The following ZFPM2 variants were observed in gnomAD, a reference collection of about 807,000 sequenced individuals.
ZFPM2 encodes the protein zinc finger protein, FOG family member 2, also known as zinc finger protein ZFPM2.
In ZFPM2, 20 loss-of-function variants were observed where a neutral mutation model predicts 98.6. That is an observed-to-expected ratio of 0.20 (90% CI 0.14 to 0.29). ZFPM2 has a LOEUF of 0.29. Ranked by LOEUF, ZFPM2 falls within the 10% of genes least tolerant of loss-of-function variation. ZFPM2 has a pLI of 1.00. For synonymous variants in ZFPM2, 518 were observed against 502.7 expected (o/e 1.03, Z -0.41); for missense variants, 1,310 against 1,388.6 (o/e 0.94, Z 0.90).
intron 3 of ZFPM2, among the ~76,000 whole-genome samples, chr8:105,536,409 C>T (rs189054070): frequency 1.8e-3 from 279 of 151,456 alleles, no homozygotes; most frequent in African/African-American, 6.0e-3. Context: ...CCTCTTGTCC[C>T]CTTTCTATTT....
At chr8:105,595,844 C>A (rs1815957739) in intron 4 of ZFPM2, among the ~76,000 whole-genome samples, 1 of 151,838 alleles carries the variant, frequency 6.6e-6, no homozygotes, top group Non-Finnish European at 1.5e-5. Flanking sequence ...CTTCTTAGAG[C>A]TTTTTAATCT....
chr8:105,470,837 A>G (rs1812889322), intron 3 of ZFPM2, among the ~76,000 whole-genome samples: 2 of 152,044 alleles, frequency 1.3e-5, no homozygotes. Flanking sequence ...TTAGTTATTT[A>G]TGTTCCCTAT....
chr8:105,346,316 G>A (rs1313634632), intron 1 of ZFPM2, among the ~76,000 whole-genome samples: 5 of 151,630 alleles, frequency 3.3e-5, no homozygotes, highest in South Asian at 2.1e-4. Flanking sequence ...CCCGGGAGGC[G>A]GAGGTTGCAG....
At chr8:105,499,635 A>G (rs536964280) in intron 3 of ZFPM2, among the ~76,000 whole-genome samples, 2 of 152,286 alleles carry the variant, frequency 1.3e-5, no homozygotes, top group South Asian at 4.1e-4. Context: ...TTTCTTTCAT[A>G]TCCCACAGAT....
chr8:105,719,261 G>C (rs1811598750), intron 5 of ZFPM2, among the ~76,000 whole-genome samples: 2 of 151,818 alleles, frequency 1.3e-5, no homozygotes, highest in Admixed American at 6.6e-5. Flanking sequence ...GATGCCTCAT[G>C]GTATAAATGT....
chr8:105,740,619 C>T (rs1812192126), intron 5 of ZFPM2, among the ~76,000 whole-genome samples: 1 of 149,188 alleles, frequency 6.7e-6, no homozygotes, highest in African/African-American at 2.4e-5. Context: ...AAAACAATTT[C>T]TTACAGACCA....
In ZFPM2 at chr8:105,803,616, T is replaced by A; in HGVS notation, c.*78T>A. The A allele has an allele frequency of 7.1e-7, 1 of 1,404,052 alleles. No individual in the cohort carries two copies. The highest frequency in any genetic ancestry group is 9.8e-7 in the Non-Finnish European group (1 of 1,019,888). 87.0% of individuals were successfully genotyped at this position (1,404,052 alleles called of 1,614,324 possible). On this transcript the variant is annotated 3_prime_UTR_variant, in exon 8 of 8. Coordinates refer to ENST00000407775, the MANE Select transcript of ZFPM2 (RefSeq NM_012082.4). ...CCAGTCCAGAAAAAAAAATAAGCTG[T>A]TTGAATTACATCTGGGCAATCAGGA...
At chr8:105,506,609 GT>G (rs1411582690) in intron 3 of ZFPM2, among the ~76,000 whole-genome samples, 1 of 152,032 alleles carries the variant, frequency 6.6e-6, no homozygotes, top group Non-Finnish European at 1.5e-5. Flanking sequence ...CATTCATGGT[GT>G]TTTTTTACTT....
chr8:105,387,330 G>T, intron 1 of ZFPM2: 1 of 161,774 alleles, frequency 6.2e-6, no homozygotes. Flanking sequence ...CTGTGCGCCC[G>T]CACTCCTCAG....
intron 5 of ZFPM2, among the ~76,000 whole-genome samples, chr8:105,728,586 T>C (rs1440576768): frequency 6.6e-6 from 1 of 151,728 alleles, no homozygotes; most frequent in Non-Finnish European, 1.5e-5. Flanking sequence ...TGCCTGTCAA[T>C]GAGACAGGGG....
At chr8:105,536,250 G>T (rs1409561206) in intron 3 of ZFPM2, among the ~76,000 whole-genome samples, 3 of 151,950 alleles carry the variant, frequency 2.0e-5, no homozygotes, top group African/African-American at 7.2e-5. Context: ...AATGAATGTG[G>T]TCTATTTTAA....
chr8:105,757,479 A>C (rs1475742519), intron 5 of ZFPM2, among the ~76,000 whole-genome samples: 1 of 152,208 alleles, frequency 6.6e-6, no homozygotes, highest in African/African-American at 2.4e-5. Flanking sequence ...GAAAATCTAA[A>C]CACATATTAA....
intron 5 of ZFPM2, among the ~76,000 whole-genome samples, chr8:105,661,468 G>A (rs1817386762): frequency 6.6e-6 from 1 of 151,950 alleles, no homozygotes; most frequent in South Asian, 2.1e-4. Flanking sequence ...ATGTATTCTG[G>A]GTAATATAAT....
chr8:105,674,732 T>G (rs1817657068), intron 5 of ZFPM2, among the ~76,000 whole-genome samples: 1 of 152,096 alleles, frequency 6.6e-6, no homozygotes, highest in Non-Finnish European at 1.5e-5. Context: ...AAATTGTAGT[T>G]TGTCAAGAAG....
intron 5 of ZFPM2, among the ~76,000 whole-genome samples, chr8:105,670,854 T>A (rs1408067960): frequency 6.6e-6 from 1 of 152,208 alleles, no homozygotes; most frequent in East Asian, 1.9e-4. Flanking sequence ...GAGATTGTAT[T>A]TATTACAGAA....
At chr8:105,680,218 A>G (rs968851342) in intron 5 of ZFPM2, among the ~76,000 whole-genome samples, 2 of 152,104 alleles carry the variant, frequency 1.3e-5, no homozygotes, top group Non-Finnish European at 2.9e-5. Flanking sequence ...CAAGTCTTCC[A>G]TTTTCTTTTT....
chr8:105,551,133 C>T (rs1463855056), intron 3 of ZFPM2, among the ~76,000 whole-genome samples: 2 of 152,078 alleles, frequency 1.3e-5, no homozygotes, highest in African/African-American at 2.4e-5. Flanking sequence ...ATCTTTCTAT[C>T]GACTAAGGCA....
chr8:105,477,237 C>CTTTTTTT (rs397891589), intron 3 of ZFPM2, among the ~76,000 whole-genome samples: 3 of 74,488 alleles, frequency 4.0e-5, no homozygotes, highest in Admixed American at 1.9e-4. Flanking sequence ...TGCTAGCAAT[C>CTTTTTTT]TTTTTTTTTT....
Position 105,801,652 on chromosome 8 carries a change from G to T in ZFPM2, c.1570G>T (p.Val524Leu), listed in dbSNP as rs770890867. 35 of 1,613,560 alleles carry T rather than the reference G, an allele frequency of 2.2e-5. No homozygotes were observed. The highest frequency in any genetic ancestry group is 1.7e-4 in the Admixed American group (10 of 59,996). ...GATCTTAGCTAAGATGTCTGAACTG[G>T]TGCATCGGCGACTGAGGCATGGCAG... ...SEILAKMSEL[V>L]HRRLRHGSSS... The change falls in exon 8 of 8, where the codon GTG (valine) becomes TTG (leucine). Residue 524 changes from valine (V) to leucine (L), a missense_variant. Transcript: ENST00000407775.
Sources: allele counts gnomAD v4.1 joint callset (sites outside exome capture counted in the v4.1 genomes callset), GRCh38; gene constraint gnomAD v4.1.1; transcripts MANE v1.5; gene names NCBI Gene and HGNC (gene_info 2026-07-23, HGNC 2026-07-21).